The following NCAN variants were observed in gnomAD, a reference collection of about 807,000 sequenced individuals.
NCAN encodes neurocan core protein.
NCAN carries 47 observed loss-of-function variants against 121.8 expected under a neutral mutation model. That is an observed-to-expected ratio of 0.39 (90% CI 0.31 to 0.49). The LOEUF (loss-of-function observed/expected upper bound fraction) is 0.49. Among genes scored for constraint, NCAN ranks in the 20% least tolerant of loss-of-function variants. The pLI is 0.92. For missense variants in NCAN, 1,517 were observed against 1,773.4 expected (o/e 0.86, Z 2.60); for synonymous variants, 633 against 702.0 (o/e 0.90, Z 1.55).
chr19:19,250,204 T>C lies in NCAN; in HGVS notation c.*293T>C. ...AGTAGCAAAGCTCATTGGTCTGGTC[T>C]CTTGTTTGCCAGGCTGATTGAAGCA... is the stretch of plus-strand genomic sequence containing the variant. On this transcript the variant is annotated 3_prime_UTR_variant, in exon 15 of 15. Transcript: ENST00000252575. 1.7e-6 allele frequency: 1 copy of C among 586,534 alleles called. No individual in the cohort carries two copies. The highest frequency in any genetic ancestry group is 3.2e-6 in the Non-Finnish European group (1 of 310,698). 36.3% of individuals were successfully genotyped at this position (586,534 alleles called of 1,614,324 possible). A position where few individuals can be genotyped will look rare whatever the true frequency, so the allele number is the denominator to read the frequency against.
chr19:19,247,403 G>A (rs1346225102), intron 13 of NCAN, among the ~76,000 whole-genome samples: 1 of 152,130 alleles, frequency 6.6e-6, no homozygotes, highest in Non-Finnish European at 1.5e-5. Context: ...ACAGGCGCAC[G>A]CTGCCACACC....
rs1207771580 is a variant in NCAN, at chr19:19,218,901, C to T, written c.74-14C>T. 2.7e-6 allele frequency: 4 copies of T among 1,478,424 alleles called. No individual in the cohort carries two copies. The highest frequency in any genetic ancestry group is 1.8e-6 in the Non-Finnish European group (2 of 1,111,502). The allele number at this position is 1,478,424 out of a possible 1,614,324, so 91.6% of individuals were successfully genotyped here. A position where few individuals can be genotyped will look rare whatever the true frequency, so the allele number is the denominator to read the frequency against. On this transcript the variant is annotated splice_polypyrimidine_tract_variant and intron_variant, in intron 2 of 14. Transcript: ENST00000252575. ...CCTCTGAATCAGGCCCTCTCTCCAC[C>T]TTCTCCAACCCAGGCACACAGGATA...
rs753464884 is a variant in NCAN, at chr19:19,224,344, A to G, written c.689A>G (p.Asp230Gly). ...ITQSRPGCYG[D>G]RSSLPGVRSY... ...CAGTCCCGTCCTGGTTGCTATGGCG[A>G]CCGTAGCAGCCTTCCAGGGGTTCGG... Residue 230 changes from aspartate to glycine, a missense_variant, in exon 5 of 15, where the codon GAC becomes GGC. Transcript: ENST00000252575. The G allele has an allele frequency of 6.2e-7, 1 of 1,613,978 alleles. No individual in the cohort carries two copies. The highest frequency in any genetic ancestry group is 1.1e-5 in the South Asian group (1 of 91,076).
chr19:19,238,624 C>T (rs181814979), intron 11 of NCAN: 12 of 608,320 alleles, frequency 2.0e-5, no homozygotes, highest in Admixed American at 8.2e-5. Flanking sequence ...ATTCATTCAC[C>T]AAATATTTAC....
Position 19,212,174 on chromosome 19 carries a change from A to AG in NCAN, c.-8+115dup, listed in dbSNP as rs1016121876. On this transcript the variant is annotated intron_variant, in intron 1 of 14. Coordinates refer to ENST00000252575, the MANE Select transcript of NCAN (RefSeq NM_004386.3). This position sits in a 1 kb window ranked among gnomAD's most constrained non-coding sequence, Gnocchi z 4.5. Reference sequence around the variant, plus strand: ...CCAGGGAGAAGTCCCCAGAATGGGGAGGGGGCTGAAGCGGGGGAGGGGAGC... The same window carrying AG: ...CCAGGGAGAAGTCCCCAGAATGGGGAGGGGGGCTGAAGCGGGGGAGGGGAGC... 12 of 149,174 alleles carry AG rather than the reference A, an allele frequency of 8.0e-5. No homozygotes were observed. Among genetic ancestry groups the AG allele is most frequent in the African/African-American group, 3.0e-4 (12 of 39,348 alleles). The allele number at this position is 149,174 out of a possible 1,614,324, so 9.2% of individuals were successfully genotyped here. A position where few individuals can be genotyped will look rare whatever the true frequency, so the allele number is the denominator to read the frequency against.
chr19:19,213,516 G>A lies in NCAN; in HGVS notation c.-8+1452G>A, dbSNP rs1006071931. Among the ~76,000 whole-genome samples, 13 of 144,306 alleles carry A rather than the reference G, an allele frequency of 9.0e-5. 1 individual carries two copies. The highest frequency in any genetic ancestry group is 3.6e-3 in the Middle Eastern group (1 of 276). 94.7% of individuals were successfully genotyped at this position (144,306 alleles called of 152,430 possible). On this transcript the variant is annotated intron_variant, in intron 1 of 14. Coordinates refer to ENST00000252575, the MANE Select transcript of NCAN (RefSeq NM_004386.3). ...TCAAGGGGTTTATGTGGGGGGGGGGGGGCCCGAGACTGTGGGTGTGTGTCT... is the reference window on the plus strand; with the variant it reads ...TCAAGGGGTTTATGTGGGGGGGGGGAGGCCCGAGACTGTGGGTGTGTGTCT...
chr19:19,224,383 G>C lies in NCAN; in HGVS notation c.728G>C (p.Arg243Pro). 6.2e-7 allele frequency: 1 copy of C among 1,614,000 alleles called. No homozygotes were observed. Among genetic ancestry groups the C allele is most frequent in the Non-Finnish European group, 8.5e-7 (1 of 1,179,966 alleles). Residue 243 changes from arginine (R) to proline (P), a missense_variant, in exon 5 of 15, where the codon CGC becomes CCC. By Grantham distance (103) the Arg-to-Pro change is moderately radical. Transcript: ENST00000252575. ...CCAGGGGTTCGGAGCTATGGGAGGC[G>C]CAACCCACAGGAACTCTACGATGTG... ...SLPGVRSYGR[R>P]NPQELYDVYC...
In NCAN at chr19:19,224,968, C is replaced by A; in HGVS notation, c.779-9C>A. On this transcript the variant is annotated splice_polypyrimidine_tract_variant and intron_variant, in intron 5 of 14. Coordinates refer to ENST00000252575, the MANE Select transcript of NCAN (RefSeq NM_004386.3). ...CAGCCCCCCTGACCTCCACCCGCCC[C>A]TCCCGCAGGCGAGGTCTTCTACGTG... 1 of 1,424,832 alleles carries A rather than the reference C, an allele frequency of 7.0e-7. No homozygotes were observed. Among genetic ancestry groups the A allele is most frequent in the Non-Finnish European group, 9.1e-7 (1 of 1,095,362 alleles). The allele number at this position is 1,424,832 out of a possible 1,614,324, so 88.3% of individuals were successfully genotyped here.
chr19:19,236,059 G>A (rs923359128), intron 10 of NCAN, among the ~76,000 whole-genome samples: 1 of 152,144 alleles, frequency 6.6e-6, no homozygotes, highest in Non-Finnish European at 1.5e-5. Flanking sequence ...ATTTTAAAGT[G>A]TACATTTCAG....
chr19:19,231,529 A>T (rs577207629), intron 8 of NCAN, among the ~76,000 whole-genome samples: 1 of 151,858 alleles, frequency 6.6e-6, no homozygotes, highest in Non-Finnish European at 1.5e-5. Flanking sequence ...GTGTTTCACC[A>T]TGTTGACCAG....
chr19:19,224,845 T>C, intron 5 of NCAN, 132 bp from the exon 6 acceptor site: 1 of 747,940 alleles, frequency 1.3e-6, no homozygotes, highest in Non-Finnish European at 2.0e-6. Flanking sequence ...GACGCACAGC[T>C]GCGGTTGTCA....
chr19:19,220,603 G>A (rs1332948284), intron 3 of NCAN, among the ~76,000 whole-genome samples: 2 of 151,668 alleles, frequency 1.3e-5, no homozygotes, highest in African/African-American at 2.4e-5. Flanking sequence ...GACTACAGGC[G>A]CCCGCCACAG....
chr19:19,238,252 G>C lies in NCAN; in HGVS notation c.3251-1G>C. Reference sequence around the variant, plus strand: ...CCTCACGCTCCTATCCCATCTCCCAGACACCGAGGGCTGTGACCGCGGCTG... The same window carrying C: ...CCTCACGCTCCTATCCCATCTCCCACACACCGAGGGCTGTGACCGCGGCTG... On this transcript the variant is annotated splice_acceptor_variant, in intron 10 of 14. Coordinates refer to ENST00000252575, the MANE Select transcript of NCAN (RefSeq NM_004386.3). LOFTEE classifies it high-confidence loss of function. The C allele has an allele frequency of 6.2e-7, 1 of 1,614,126 alleles. No homozygotes were observed. The highest frequency in any genetic ancestry group is 8.5e-7 in the Non-Finnish European group (1 of 1,180,018).
chr19:19,220,447 A>ATTTTTTT (rs1343151998), intron 3 of NCAN, among the ~76,000 whole-genome samples: 1 of 108,730 alleles, frequency 9.2e-6, no homozygotes, highest in Non-Finnish European at 1.9e-5. Flanking sequence ...TGTTTAGGCA[A>ATTTTTTT]TTCTTTTTTT....
rs529252236 is a variant in NCAN at position 19,240,463 on chromosome 19, C to A, written c.3410-140C>A. On this transcript the variant is annotated intron_variant, in intron 11 of 14. Coordinates refer to ENST00000252575, the MANE Select transcript of NCAN (RefSeq NM_004386.3). ...TTCATTTCCACCTTCTAGATCTTTC[C>A]CCCCACCCAGCCCACCTCCAGGCTG... 2.5e-4 allele frequency: 183 copies of A among 742,324 alleles called. No individual in the cohort carries two copies. The African/African-American group carries it at 2.9e-3, about 12-fold the overall frequency. 46.0% of individuals were successfully genotyped at this position (742,324 alleles called of 1,614,324 possible).
chr19:19,230,882 G>GCT (rs2060856489), intron 8 of NCAN, among the ~76,000 whole-genome samples: 1 of 119,302 alleles, frequency 8.4e-6, no homozygotes, highest in African/African-American at 3.4e-5. Flanking sequence ...ACCACACCCG[G>GCT]CTGTGTGTGT....
At chr19:19,242,646 G>A (rs1278261073) in intron 12 of NCAN, among the ~76,000 whole-genome samples, 3 of 145,826 alleles carry the variant, frequency 2.1e-5, no homozygotes, top group Non-Finnish European at 3.0e-5. Flanking sequence ...CCGAGATCGC[G>A]TCACTGCACT....
rs138028327 is a variant in NCAN, at chr19:19,223,240, T to C, written c.476-781T>C. Among the ~76,000 whole-genome samples, 759 of 152,268 alleles carry C rather than the reference T, an allele frequency of 5.0e-3. 4 individuals are homozygous for C. Among genetic ancestry groups the C allele is most frequent in the Middle Eastern group, 0.02 (6 of 294 alleles). ...CTTAATTCCTAAAAGGCAGAAACTC[T>C]CTGTCAGCCTTCTCCACACCTCCTG... On this transcript the variant is annotated intron_variant, in intron 3 of 14. Transcript: ENST00000252575.
In NCAN at chr19:19,227,278, C is replaced by T; in HGVS notation, c.1661-3C>T. 1 of 1,541,596 alleles carries T rather than the reference C, an allele frequency of 6.5e-7. No individual in the cohort carries two copies. Among genetic ancestry groups the T allele is most frequent in the Non-Finnish European group, 8.7e-7 (1 of 1,145,464 alleles). On this transcript the variant is annotated splice_polypyrimidine_tract_variant and splice_region_variant and intron_variant, in intron 7 of 14. Coordinates refer to ENST00000252575, the MANE Select transcript of NCAN (RefSeq NM_004386.3). The surrounding 1 kb of genome is among the most constrained non-coding windows in gnomAD (Gnocchi z 4.2). ...TGTAATGATTGCCTTGATGTTGTTG[C>T]AGGTTCTGCTGGTGGCAAGAGCTCC...
Sources: gnomAD v4.1 joint callset for allele counts (sites outside exome capture counted in the v4.1 genomes callset) on GRCh38, gnomAD v4.1.1 for gene constraint, Gnocchi (gnomAD v3.1) non-coding constraint, MANE v1.5 for transcripts, NCBI Gene and HGNC (gene_info 2026-07-23, HGNC 2026-07-21) for gene names.